Variants in KCNB2 observed in about 807,000 individuals in gnomAD.
The protein encoded by KCNB2 is delayed rectifier potassium channel protein.
In KCNB2, 15 loss-of-function variants were observed where a neutral mutation model predicts 61.5. The observed-to-expected ratio is 0.24, with a 90% CI of 0.16 to 0.38. KCNB2 has a LOEUF of 0.38. KCNB2 is among the 10% of genes least tolerant of loss of function. The pLI, the probability that KCNB2 is intolerant of heterozygous loss-of-function variation, is 1.00. For missense variants in KCNB2, 828 were observed against 1,125.2 expected, an observed-to-expected ratio of 0.74 and a Z score of 3.78; for synonymous variants, 457 against 446.0, an observed-to-expected ratio of 1.02 and a Z score of -0.31.
intron 1 of KCNB2, among the ~76,000 whole-genome samples, chr8:72,552,106 A>C (rs1238023313): frequency 6.6e-6 from 1 of 152,120 alleles, no homozygotes; most frequent in Admixed American, 6.6e-5. Flanking sequence ...TGGTCCTAAA[A>C]CCCAAGAGGA....
At chr8:72,705,414 T>A (rs1232310095) in intron 2 of KCNB2, among the ~76,000 whole-genome samples, 1 of 152,226 alleles carries the variant, frequency 6.6e-6, no homozygotes, top group South Asian at 2.1e-4. Context: ...TCCAATCCAG[T>A]TTATCTGATA....
chr8:72,602,951 C>T (rs1441049971), intron 2 of KCNB2, among the ~76,000 whole-genome samples: 1 of 148,254 alleles, frequency 6.7e-6, no homozygotes, highest in African/African-American at 2.5e-5. Flanking sequence ...AGGTTAAGCA[C>T]TAAAAAAAAA....
chr8:72,544,505 A>G (rs1300418460), intron 1 of KCNB2, among the ~76,000 whole-genome samples: 1 of 152,226 alleles, frequency 6.6e-6, no homozygotes, highest in Non-Finnish European at 1.5e-5. Context: ...GGAGTCTTTC[A>G]AGGAATACAA....
intron 1 of KCNB2, among the ~76,000 whole-genome samples, chr8:72,546,891 T>C (rs1250445496): frequency 1.3e-5 from 2 of 152,224 alleles, no homozygotes; most frequent in African/African-American, 4.8e-5. Flanking sequence ...CAGGCTTCTG[T>C]TGAAAGGTGA....
intron 2 of KCNB2, among the ~76,000 whole-genome samples, chr8:72,882,590 T>A (rs935924160): frequency 8.0e-5 from 12 of 149,320 alleles, no homozygotes; most frequent in East Asian, 2.0e-4. Context: ...GCACTTGAAG[T>A]TCCTAGCAAC....
intron 2 of KCNB2, among the ~76,000 whole-genome samples, chr8:72,797,404 T>A (rs995975043): frequency 6.6e-6 from 1 of 152,216 alleles, no homozygotes; most frequent in African/African-American, 2.4e-5. Flanking sequence ...AACCTGTTTG[T>A]GTAATAAAAA....
At chr8:72,636,533 C>T (rs1158646828) in intron 2 of KCNB2, among the ~76,000 whole-genome samples, 2 of 152,034 alleles carry the variant, frequency 1.3e-5, no homozygotes, top group Non-Finnish European at 2.9e-5. Flanking sequence ...CTCATCAGTC[C>T]TCAGTACACT....
intron 2 of KCNB2, among the ~76,000 whole-genome samples, chr8:72,823,627 A>C (rs1380622339): frequency 6.6e-6 from 1 of 152,142 alleles, no homozygotes; most frequent in East Asian, 1.9e-4. Flanking sequence ...AACACCTGTA[A>C]TTTTTCTACC....
chr8:72,791,400 T>A (rs1410266028), intron 2 of KCNB2, among the ~76,000 whole-genome samples: 1 of 151,864 alleles, frequency 6.6e-6, no homozygotes, highest in Non-Finnish European at 1.5e-5. Context: ...AAATAAAAAA[T>A]TAGCCAAGCA....
intron 2 of KCNB2, among the ~76,000 whole-genome samples, chr8:72,763,523 A>T (rs915814975): frequency 1.3e-5 from 2 of 152,170 alleles, no homozygotes; most frequent in Admixed American, 6.6e-5. Flanking sequence ...CAGTTAATGA[A>T]TTGGAGAGCC....
At chr8:72,619,161 G>T in intron 2 of KCNB2, 1 of 349,782 alleles carries the variant, frequency 2.9e-6, no homozygotes, top group Non-Finnish European at 5.6e-6. Context: ...GATTTCTTCA[G>T]TTTGGGATTT....
At position 72,701,844 on chromosome 8, in the gene KCNB2, TATC is replaced by T. The variant is rs373141762; in HGVS notation, c.579+133534_579+133536del. Among the ~76,000 whole-genome samples, 54 of 152,246 alleles carry T rather than the reference TATC, an allele frequency of 3.5e-4. No homozygotes were observed. In the East Asian group the frequency reaches 9.5e-3, roughly 27 times the overall value. The stretch of plus-strand genomic sequence containing the variant: ...GCAACCATTTAAAATTATATGGACA[TATC>T]ATTATTTATTAAGTAGAAAAACTTA... On this transcript the variant is annotated intron_variant, in intron 2 of 2. Coordinates refer to ENST00000523207, the MANE Select transcript of KCNB2 (RefSeq NM_004770.3).
At chr8:72,673,844 TGAA>T (rs756451231) in intron 2 of KCNB2, among the ~76,000 whole-genome samples, 1 of 152,222 alleles carries the variant, frequency 6.6e-6, no homozygotes, top group Non-Finnish European at 1.5e-5. Flanking sequence ...TTTGAGAAGA[TGAA>T]GAAGTTCTGG....
intron 2 of KCNB2, among the ~76,000 whole-genome samples, chr8:72,768,700 CACTT>C (rs1386874617): frequency 6.6e-6 from 1 of 152,060 alleles, no homozygotes; most frequent in Non-Finnish European, 1.5e-5. Context: ...GTATCTCTCA[CACTT>C]ATTCTATGAT....
chr8:72,602,674 A>G (rs1805373091), intron 2 of KCNB2, among the ~76,000 whole-genome samples: 1 of 152,130 alleles, frequency 6.6e-6, no homozygotes, highest in Non-Finnish European at 1.5e-5. Flanking sequence ...GAATTCAGGC[A>G]GGGCATAGCT....
intron 2 of KCNB2, among the ~76,000 whole-genome samples, chr8:72,916,479 C>T (rs1042061831): frequency 6.6e-6 from 1 of 152,168 alleles, no homozygotes; most frequent in Non-Finnish European, 1.5e-5. Context: ...CATGGGGGCC[C>T]TGCAGCAGCA....
chr8:72,680,265 G>A (rs946446439), intron 2 of KCNB2, among the ~76,000 whole-genome samples: 1 of 152,200 alleles, frequency 6.6e-6, no homozygotes, highest in African/African-American at 2.4e-5. Flanking sequence ...AAATGAAGCA[G>A]ATGGGTTAGG....
intron 2 of KCNB2, among the ~76,000 whole-genome samples, chr8:72,836,045 C>T (rs959675398): frequency 1.3e-5 from 2 of 152,160 alleles, no homozygotes; most frequent in Non-Finnish European, 2.9e-5. Flanking sequence ...GGATGTTTTG[C>T]TCAAAGAATT....
At chr8:72,664,224 G>A (rs565054504) in intron 2 of KCNB2, among the ~76,000 whole-genome samples, 14 of 152,238 alleles carry the variant, frequency 9.2e-5, no homozygotes, top group Admixed American at 5.2e-4. Flanking sequence ...ACTCTGCAGC[G>A]CCCTCCCAGG....
Sources: allele counts gnomAD v4.1 joint callset (sites outside exome capture counted in the v4.1 genomes callset), GRCh38; gene constraint gnomAD v4.1.1; transcripts MANE v1.5; gene names NCBI Gene and HGNC (gene_info 2026-07-23, HGNC 2026-07-21).